The following FHIT variants were observed in gnomAD, a reference collection of about 807,000 sequenced individuals.
The protein encoded by FHIT is bis(5'-adenosyl)-triphosphatase.
A neutral mutation model predicts 17.9 loss-of-function variants in FHIT; 19 were observed. That is an observed-to-expected ratio of 1.06 (90% confidence interval 0.74 to 1.56). The LOEUF (loss-of-function observed/expected upper bound fraction) is 1.56, where lower values mean the gene tolerates loss of function less well. FHIT is among the 40% of genes most tolerant of loss of function. The probability of loss-of-function intolerance (pLI) is 0.00; values close to 1 mark genes in which losing one functional copy is unlikely to be tolerated. For synonymous variants in FHIT, 81 were observed against 69.7 expected (o/e 1.16, Z -0.81); for missense variants, 248 against 189.2 (o/e 1.31, Z -1.82).
chr3:60,800,497 G>T (rs1471429145), intron 4 of FHIT, among the ~76,000 whole-genome samples: 1 of 152,098 alleles, frequency 6.6e-6, no homozygotes, highest in Non-Finnish European at 1.5e-5. Context: ...CTAAACAAAG[G>T]CTTACAACTA....
At chr3:60,082,966 C>T (rs573045288) in intron 5 of FHIT, among the ~76,000 whole-genome samples, 15 of 151,828 alleles carry the variant, frequency 9.9e-5, no homozygotes, top group Admixed American at 8.5e-4. Flanking sequence ...TCAAGCTCTT[C>T]GATTAGGCCC....
chr3:60,499,436 G>A (rs2034432296), intron 5 of FHIT, among the ~76,000 whole-genome samples: 1 of 152,116 alleles, frequency 6.6e-6, no homozygotes, highest in African/African-American at 2.4e-5. Context: ...CTGTCGCCCA[G>A]GCTGGAGGGC....
chr3:59,969,555 C>T (rs1708083297), intron 7 of FHIT, among the ~76,000 whole-genome samples: 1 of 151,992 alleles, frequency 6.6e-6, no homozygotes, highest in Admixed American at 6.6e-5. Flanking sequence ...CTGGTAAAAA[C>T]AAAACAAAAC....
intron 7 of FHIT, among the ~76,000 whole-genome samples, chr3:59,962,133 C>T (rs1380886108): frequency 1.3e-5 from 2 of 152,178 alleles, no homozygotes; most frequent in African/African-American, 4.8e-5. Context: ...ATTCGCCAGT[C>T]CTGACCATAT....
intron 5 of FHIT, among the ~76,000 whole-genome samples, chr3:60,195,561 T>TA (rs61215575): frequency 9.4e-5 from 2 of 21,194 alleles, no homozygotes; most frequent in African/African-American, 5.0e-4. Flanking sequence ...ATATATATAT[T>TA]TATATTTATA....
chr3:59,769,088 T>C (rs1481357964), intron 8 of FHIT, among the ~76,000 whole-genome samples: 2 of 152,204 alleles, frequency 1.3e-5, no homozygotes, highest in African/African-American at 4.8e-5. Flanking sequence ...ATAAAAGGTA[T>C]GTCTGTGCCT....
chr3:60,396,348 A>T (rs1576593213), intron 5 of FHIT, among the ~76,000 whole-genome samples: 1 of 152,160 alleles, frequency 6.6e-6, no homozygotes. Flanking sequence ...GGAAGGAGTA[A>T]ATCCCCTTGT....
chr3:60,721,199 C>T (rs2041801839), intron 4 of FHIT, among the ~76,000 whole-genome samples: 1 of 152,108 alleles, frequency 6.6e-6, no homozygotes, highest in Admixed American at 6.5e-5. Flanking sequence ...TTGCCCTTAC[C>T]TTCTGTCTTC....
chr3:61,008,684 G>C (rs2031604196), intron 3 of FHIT, among the ~76,000 whole-genome samples: 1 of 151,960 alleles, frequency 6.6e-6, no homozygotes, highest in African/African-American at 2.4e-5. Flanking sequence ...AATCTAACGT[G>C]GACAGCTTAA....
At chr3:61,232,874 G>A (rs2040140375) in intron 1 of FHIT, among the ~76,000 whole-genome samples, 1 of 152,060 alleles carries the variant, frequency 6.6e-6, no homozygotes, top group Non-Finnish European at 1.5e-5. Context: ...TTATATAACA[G>A]TCAAACCAAA....
chr3:60,108,553 C>G (rs553140620), intron 5 of FHIT, among the ~76,000 whole-genome samples: 1 of 152,274 alleles, frequency 6.6e-6, no homozygotes, highest in East Asian at 1.9e-4. Context: ...GACCACAGCC[C>G]TCCCTCTTGC....
intron 4 of FHIT, among the ~76,000 whole-genome samples, chr3:60,570,348 G>A (rs998677297): frequency 2.0e-5 from 3 of 152,048 alleles, no homozygotes; most frequent in Non-Finnish European, 2.9e-5. Context: ...TTTATAATCG[G>A]GACTAAAATA....
At chr3:60,730,311 A>G in intron 4 of FHIT, 1 of 261,862 alleles carries the variant, frequency 3.8e-6, no homozygotes. Context: ...CTCTTTTTGT[A>G]GCCTCCCCAA....
At chr3:60,278,548 T>C (rs138099662) in intron 5 of FHIT, among the ~76,000 whole-genome samples, 2,130 of 152,204 alleles carry the variant, frequency 0.014, 20 homozygotes, top group Non-Finnish European at 0.022. Flanking sequence ...CTTTGGTGAT[T>C]ACAACTGAGA....
At chr3:59,784,031 T>C (rs903212787) in intron 8 of FHIT, among the ~76,000 whole-genome samples, 7 of 152,174 alleles carry the variant, frequency 4.6e-5, no homozygotes, top group Non-Finnish European at 1.0e-4. Context: ...TGACTATTTG[T>C]ACTTTTCAAT....
At chr3:60,363,954 A>G (rs562929355) in intron 5 of FHIT, among the ~76,000 whole-genome samples, 5 of 151,904 alleles carry the variant, frequency 3.3e-5, no homozygotes, top group Admixed American at 1.3e-4. Context: ...GGTTCCCACA[A>G]CTGCTACCTC....
intron 3 of FHIT, among the ~76,000 whole-genome samples, chr3:61,004,829 G>A (rs2031333463): frequency 6.6e-6 from 1 of 152,136 alleles, no homozygotes; most frequent in Non-Finnish European, 1.5e-5. Context: ...CAACCGCAGA[G>A]AACTGCTGTG....
intron 2 of FHIT, among the ~76,000 whole-genome samples, chr3:61,193,128 A>G (rs1412780219): frequency 2.0e-5 from 3 of 152,234 alleles, no homozygotes; most frequent in African/African-American, 7.2e-5. Flanking sequence ...GGAATGTGTT[A>G]CATCCCAGCA....
chr3:60,221,653 C>T (rs769981486), intron 5 of FHIT, among the ~76,000 whole-genome samples: 4 of 152,098 alleles, frequency 2.6e-5, no homozygotes, highest in Admixed American at 1.3e-4. Context: ...ACCTGAAACA[C>T]GGCGCACACC....
Sources: allele counts gnomAD v4.1 joint callset (sites outside exome capture counted in the v4.1 genomes callset), GRCh38; gene constraint gnomAD v4.1.1; transcripts MANE v1.5; gene names NCBI Gene and HGNC (gene_info 2026-07-23, HGNC 2026-07-21).